ALMS1: variants seen among roughly 807,000 people sequenced by gnomAD.
ALMS1 encodes the protein centrosome-associated protein ALMS1.
In ALMS1, 271 loss-of-function variants were observed where a neutral mutation model predicts 352.2. The observed-to-expected ratio is 0.77, with a 90% CI of 0.70 to 0.85. The LOEUF (loss-of-function observed/expected upper bound fraction) is 0.85, where lower values mean the gene tolerates loss of function less well. ALMS1 is among the 40% of genes least tolerant of loss of function. The pLI is 0.00. For missense variants in ALMS1, 5,445 were observed against 4,870.7 expected (o/e 1.12, Z -3.51); for synonymous variants, 1,865 against 1,761.2 (o/e 1.06, Z -1.48).
Position 73,482,265 on chromosome 2 carries a change from C to T in ALMS1, c.7675-7369C>T, listed in dbSNP as rs375565449. The stretch of plus-strand genomic sequence containing the variant: ...GAAATACGTCCCATCAATACCTAAT[C>T]TATTGAGAGTTTTTAGCATGAAGTG... On this transcript the variant is annotated intron_variant, in intron 9 of 22. Coordinates refer to ENST00000613296, the MANE Select transcript of ALMS1 (RefSeq NM_001378454.1). Among the ~76,000 whole-genome samples the T allele has an allele frequency of 3.9e-5, 6 of 152,152 alleles. No individual in the cohort carries two copies. The East Asian group carries it at 9.7e-4, about 24-fold the overall frequency.
At chr2:73,542,720 G>A (rs1355829942) in intron 12 of ALMS1, among the ~76,000 whole-genome samples, 1 of 151,764 alleles carries the variant, frequency 6.6e-6, no homozygotes, top group South Asian at 2.1e-4. Context: ...TACACCAATA[G>A]CAGACAAACC....
At chr2:73,563,183 G>A (rs1263801712) in intron 15 of ALMS1, among the ~76,000 whole-genome samples, 1 of 151,180 alleles carries the variant, frequency 6.6e-6, no homozygotes, top group African/African-American at 2.4e-5. Context: ...AAATTACTGA[G>A]AAAGGTGGAA....
chr2:73,602,718 C>G (rs1442176654), intron 20 of ALMS1, among the ~76,000 whole-genome samples: 8 of 152,186 alleles, frequency 5.3e-5, no homozygotes, highest in African/African-American at 1.4e-4. Context: ...ATAATAAACA[C>G]ATAGTCCTTA....
rs554625832 is a variant in ALMS1, at chr2:73,516,668, A to G, written c.9540-3107A>G. ...GACTCTTTGCCCTCACAACTTTAGA[A>G]TATGGTAAATGTTGTAAGGGGAACA... is the stretch of plus-strand genomic sequence containing the variant. On this transcript the variant is annotated intron_variant, in intron 10 of 22. Coordinates refer to ENST00000613296, the MANE Select transcript of ALMS1 (RefSeq NM_001378454.1). Among the ~76,000 whole-genome samples the G allele has an allele frequency of 2.6e-5, 4 of 152,348 alleles. No homozygotes were observed. The South Asian group carries it at 6.2e-4, about 24-fold the overall frequency.
chr2:73,387,940 G>A (rs1670572576), intron 1 of ALMS1, among the ~76,000 whole-genome samples: 1 of 152,212 alleles, frequency 6.6e-6, no homozygotes, highest in African/African-American at 2.4e-5. Flanking sequence ...TAACGGATGG[G>A]ATGTGAAAGG....
At chr2:73,561,875 A>G (rs1279811749) in intron 15 of ALMS1, among the ~76,000 whole-genome samples, 1 of 152,196 alleles carries the variant, frequency 6.6e-6, no homozygotes, top group African/African-American at 2.4e-5. Flanking sequence ...AAATTTTTCT[A>G]AATGTTTTAC....
At chr2:73,536,446 G>A (rs965957520) in intron 12 of ALMS1, among the ~76,000 whole-genome samples, 4 of 151,996 alleles carry the variant, frequency 2.6e-5, no homozygotes, top group African/African-American at 9.7e-5. Context: ...GCATCAGTAC[G>A]ACAAAAAGAG....
chr2:73,466,490 G>T (rs1434359059), intron 9 of ALMS1, among the ~76,000 whole-genome samples: 2 of 134,096 alleles, frequency 1.5e-5, no homozygotes, highest in Non-Finnish European at 1.6e-5. Flanking sequence ...GTTGTGGGGT[G>T]GGGGGAGGGG....
chr2:73,453,342 T>C lies in ALMS1; in HGVS notation c.6815T>C (p.Met2272Thr), dbSNP rs1330734793. ...IRTLLMEAEN[M>T]ALKRCNFPAP... ...ACACTTTTGATGGAGGCAGAAAATATGGCACTGAAACGATGCAATTTTCCT... is the reference window on the plus strand; with the variant it reads ...ACACTTTTGATGGAGGCAGAAAATACGGCACTGAAACGATGCAATTTTCCT... Residue 2272 changes from methionine (M) to threonine (T), a missense_variant, in exon 8 of 23, where the codon ATG (methionine) becomes ACG (threonine). Transcript: ENST00000613296. The C allele has an allele frequency of 8.7e-6, 14 of 1,613,792 alleles. No homozygotes were observed. Among genetic ancestry groups the C allele is most frequent in the East Asian group, 2.2e-5 (1 of 44,886 alleles).
intron 10 of ALMS1, among the ~76,000 whole-genome samples, chr2:73,501,320 A>G (rs568405362): frequency 1.3e-5 from 2 of 151,760 alleles, no homozygotes; most frequent in East Asian, 3.9e-4. Context: ...ATTTTGATGA[A>G]TTCCACTTTG....
intron 9 of ALMS1, among the ~76,000 whole-genome samples, chr2:73,481,768 A>C (rs1672710512): frequency 6.6e-6 from 1 of 151,416 alleles, no homozygotes; most frequent in South Asian, 2.1e-4. Flanking sequence ...AGTGGTTTGT[A>C]GTTCTCCTTG....
intron 1 of ALMS1, among the ~76,000 whole-genome samples, chr2:73,405,638 G>T (rs1670957931): frequency 6.7e-6 from 1 of 149,558 alleles, no homozygotes; most frequent in African/African-American, 2.5e-5. Flanking sequence ...TCTTTTTCTA[G>T]TTCTTCAAGG....
In ALMS1 at chr2:73,452,269, T is replaced by C; in HGVS notation, c.5742T>C (p.Thr1914=). 3.1e-6 allele frequency: 5 copies of C among 1,614,092 alleles called. No individual in the cohort carries two copies. The highest frequency in any genetic ancestry group is 1.1e-5 in the South Asian group (1 of 91,066). Residue 1914 remains threonine, a synonymous_variant, in exon 8 of 23, where the codon ACT becomes ACC. Coordinates refer to ENST00000613296, the MANE Select transcript of ALMS1 (RefSeq NM_001378454.1). Reference sequence around the variant, plus strand: ...ATCAGCAGGAGTTGCCAGATGTTACTGAAGAAGCTTTAAATGTTTTTGTTG... The same window carrying C: ...ATCAGCAGGAGTTGCCAGATGTTACCGAAGAAGCTTTAAATGTTTTTGTTG... The part of the protein sequence containing the change: ...IFHQQELPDV[T]EEALNVFVVP...
rs1340135231 is a variant in ALMS1 at position 73,385,886 on chromosome 2, GC to G, written c.20del (p.Pro7HisfsTer34). On this transcript the variant is annotated frameshift_variant, in exon 1 of 23. Coordinates refer to ENST00000613296, the MANE Select transcript of ALMS1 (RefSeq NM_001378454.1). LOFTEE classifies it high-confidence loss of function. Reference sequence around the variant, plus strand: ...ACACCAACATGGAGCCCGAGGATCTGCCATGGCCGGGCGAGCTGGAGGAGGA... The same window carrying G: ...ACACCAACATGGAGCCCGAGGATCTGCATGGCCGGGCGAGCTGGAGGAGGA... The part of the protein sequence containing the change: MEPEDL[P>X]WPGELEEEEE... The G allele has an allele frequency of 3.6e-6, 3 of 825,218 alleles. No homozygotes were observed. The highest frequency in any genetic ancestry group is 6.1e-6 in the Non-Finnish European group (3 of 494,084). 51.1% of individuals were successfully genotyped at this position (825,218 alleles called of 1,614,324 possible). A position where few individuals can be genotyped will look rare whatever the true frequency, so the allele number is the denominator to read the frequency against.
Position 73,451,279 on chromosome 2 carries a change from C to T in ALMS1, c.4752C>T (p.Ala1584=). 6.2e-7 allele frequency: 1 copy of T among 1,613,990 alleles called. No homozygotes were observed. Among genetic ancestry groups the T allele is most frequent in the Non-Finnish European group, 8.5e-7 (1 of 1,179,976 alleles). Residue 1584 remains alanine, a synonymous_variant, in exon 8 of 23, where the codon GCC becomes GCT. Coordinates refer to ENST00000613296, the MANE Select transcript of ALMS1 (RefSeq NM_001378454.1). ...GEKPIVNYKQ[A]FPDGHLPEEA... Reference sequence around the variant, plus strand: ...AGCCGATTGTTAACTACAAACAGGCCTTTCCAGATGGTCATCTACCTGAAG... The same window carrying T: ...AGCCGATTGTTAACTACAAACAGGCTTTTCCAGATGGTCATCTACCTGAAG...
chr2:73,605,264 A>C (rs1040697377), intron 21 of ALMS1, among the ~76,000 whole-genome samples: 1 of 152,208 alleles, frequency 6.6e-6, no homozygotes, highest in African/African-American at 2.4e-5. Flanking sequence ...ATTCACCTCC[A>C]TGGGCTTGAT....
chr2:73,485,875 G>T (rs1429453181), intron 9 of ALMS1, among the ~76,000 whole-genome samples: 1 of 152,190 alleles, frequency 6.6e-6, no homozygotes, highest in African/African-American at 2.4e-5. Context: ...ACTAGGAAAG[G>T]GAACTCCCTG....
At chr2:73,498,702 C>T (rs1395402170) in intron 10 of ALMS1, among the ~76,000 whole-genome samples, 4 of 152,124 alleles carry the variant, frequency 2.6e-5, no homozygotes, top group East Asian at 1.9e-4. Context: ...TTTCATTTAA[C>T]GTAATGATCT....
chr2:73,539,046 C>T lies in ALMS1; in HGVS notation c.9907+4097C>T, dbSNP rs905582743. 2.6e-5 allele frequency among the ~76,000 whole-genome samples: 4 copies of T among 152,152 alleles called. No homozygotes were observed. In the East Asian group the frequency reaches 7.7e-4, roughly 29 times the overall value. On this transcript the variant is annotated intron_variant, in intron 12 of 22. Coordinates refer to ENST00000613296, the MANE Select transcript of ALMS1 (RefSeq NM_001378454.1). ...GCTTTGAAGAGAGTAGTGGTTCTCCCAGCACACAGCTGGAGATCTGAGAAC... is the reference window on the plus strand; with the variant it reads ...GCTTTGAAGAGAGTAGTGGTTCTCCTAGCACACAGCTGGAGATCTGAGAAC...
Sources: allele counts gnomAD v4.1 joint callset (sites outside exome capture counted in the v4.1 genomes callset), GRCh38; gene constraint gnomAD v4.1.1; transcripts MANE v1.5; gene names NCBI Gene and HGNC (gene_info 2026-07-23, HGNC 2026-07-21).